The following TNPO1 variants were observed in gnomAD, a reference collection of about 807,000 sequenced individuals.
TNPO1 encodes transportin 1, also known as transportin-1.
In TNPO1, 8 loss-of-function variants were observed where a neutral mutation model predicts 119.5. That is an observed-to-expected ratio of 0.07 (90% CI 0.04 to 0.12). TNPO1 has a LOEUF of 0.12. Among genes scored for constraint, TNPO1 ranks in the 10% least tolerant of loss-of-function variants. The pLI is 1.00. For synonymous variants in TNPO1, 362 were observed against 363.0 expected (o/e 1.00, Z 0.03); for missense variants, 576 against 1,089.8 (o/e 0.53, Z 6.64).
In TNPO1 at chr5:72,911,560, T is replaced by A. The variant is rs920084916; in HGVS notation, c.*2887T>A. On this transcript the variant is annotated 3_prime_UTR_variant, in exon 25 of 25. Coordinates refer to ENST00000337273, the MANE Select transcript of TNPO1 (RefSeq NM_002270.4). Reference sequence around the variant, plus strand: ...TATTCTGATAAAATCTAATACATCATGGGATATATATAAAGCAACTTAATT... The same window carrying A: ...TATTCTGATAAAATCTAATACATCAAGGGATATATATAAAGCAACTTAATT... The A allele has an allele frequency of 6.6e-6, 1 of 152,568 alleles. No homozygotes were observed. The highest frequency in any genetic ancestry group is 1.5e-5 in the Non-Finnish European group (1 of 67,960). 9.5% of individuals were successfully genotyped at this position (152,568 alleles called of 1,614,324 possible).
chr5:72,851,260 A>G lies in TNPO1; in HGVS notation c.146A>G (p.Asn49Ser), dbSNP rs368727853. Residue 49 changes from asparagine (N) to serine (S), a missense_variant, in exon 3 of 25, where the codon AAT becomes AGT. By Grantham distance (46) the Asn-to-Ser change is conservative. This residue lies in a region of TNPO1 where 57 missense variants were observed against 59.5 expected (regional missense o/e 0.96). Transcript: ENST00000337273. The part of the protein sequence containing the change: ...RTVQQKLEQL[N>S]QYPDFNNYLI... ...TTGTTCTAGAAACTGGAACAACTTA[A>G]TCAGTATCCAGACTTTAACAACTAC... The G allele has an allele frequency of 1.3e-5, 21 of 1,598,836 alleles. No individual in the cohort carries two copies. The highest frequency in any genetic ancestry group is 2.6e-6 in the Non-Finnish European group (3 of 1,169,874).
intron 1 of TNPO1, among the ~76,000 whole-genome samples, chr5:72,838,120 C>G (rs1200030624): frequency 6.6e-6 from 1 of 152,134 alleles, no homozygotes; most frequent in Non-Finnish European, 1.5e-5. Context: ...TTCTATTTTG[C>G]TATCTAAACT....
chr5:72,827,264 G>T (rs1035229011), intron 1 of TNPO1, among the ~76,000 whole-genome samples: 1 of 152,312 alleles, frequency 6.6e-6, no homozygotes, highest in South Asian at 2.1e-4. Flanking sequence ...AGAGAGATGG[G>T]CAGGCACCCA....
At chr5:72,826,761 A>G (rs759802831) in intron 1 of TNPO1, among the ~76,000 whole-genome samples, 1 of 152,190 alleles carries the variant, frequency 6.6e-6, no homozygotes, top group Non-Finnish European at 1.5e-5. Flanking sequence ...TTCTACAGAT[A>G]CCTGTGTATT....
At chr5:72,863,643 C>G (rs1580416427) in intron 5 of TNPO1, among the ~76,000 whole-genome samples, 1 of 151,650 alleles carries the variant, frequency 6.6e-6, no homozygotes, top group East Asian at 1.9e-4. Flanking sequence ...TGCCTGTAAT[C>G]TCAGCTACTC....
intron 9 of TNPO1, among the ~76,000 whole-genome samples, chr5:72,877,889 C>T (rs1194591739): frequency 6.6e-6 from 1 of 151,764 alleles, no homozygotes; most frequent in African/African-American, 2.4e-5. Flanking sequence ...GTGAAAGTAC[C>T]GTATACTAAA....
chr5:72,859,038 T>G (rs111932853), intron 4 of TNPO1, among the ~76,000 whole-genome samples: 4 of 151,322 alleles, frequency 2.6e-5, no homozygotes, highest in African/African-American at 4.9e-5. Context: ...GAACATATTT[T>G]TAAGTGAAAT....
chr5:72,903,382 T>C (rs1749923793), intron 22 of TNPO1, among the ~76,000 whole-genome samples: 1 of 152,182 alleles, frequency 6.6e-6, no homozygotes, highest in Non-Finnish European at 1.5e-5. Flanking sequence ...ATCCGGTAAA[T>C]GAAAGAGTAT....
At chr5:72,842,199 C>T (rs62363374) in intron 1 of TNPO1, among the ~76,000 whole-genome samples, 1 of 152,078 alleles carries the variant, frequency 6.6e-6, no homozygotes, top group Non-Finnish European at 1.5e-5. Context: ...TACCTCACCA[C>T]AAAGGTATCA....
At position 72,908,886 on chromosome 5, in the gene TNPO1, T is replaced by G. The variant is rs1352013207; in HGVS notation, c.*213T>G. The G allele has an allele frequency of 6.6e-6, 3 of 453,872 alleles. No individual in the cohort carries two copies. 28.1% of individuals were successfully genotyped at this position (453,872 alleles called of 1,614,324 possible). On this transcript the variant is annotated 3_prime_UTR_variant, in exon 25 of 25. Coordinates refer to ENST00000337273, the MANE Select transcript of TNPO1 (RefSeq NM_002270.4). ...CGATGTTGGGAAACGTTTTAACATC[T>G]GGAGCCTTTGTGGGTGGAAATATGT...
intron 24 of TNPO1, among the ~76,000 whole-genome samples, chr5:72,908,394 A>AGG (rs1302425447): frequency 2.6e-5 from 4 of 152,294 alleles, no homozygotes; most frequent in African/African-American, 9.6e-5. Context: ...ATTTTGCAAA[A>AGG]GGGGATAAAG....
At chr5:72,883,004 A>G (rs1748359149) in intron 10 of TNPO1, 60 bp from the exon 11 acceptor site, 5 of 1,176,182 alleles carry the variant, frequency 4.3e-6, no homozygotes, top group Admixed American at 1.7e-5. Flanking sequence ...TCTCTTACTC[A>G]TGTACATACT....
chr5:72,899,600 T>C (rs1749674807), intron 20 of TNPO1, among the ~76,000 whole-genome samples: 1 of 152,186 alleles, frequency 6.6e-6, no homozygotes, highest in Non-Finnish European at 1.5e-5. Context: ...AAAAAAACTA[T>C]AGATTTTATT....
chr5:72,867,960 G>T lies in TNPO1; in HGVS notation c.596+2231G>T, dbSNP rs78277474. On this transcript the variant is annotated intron_variant, in intron 6 of 24. Coordinates refer to ENST00000337273, the MANE Select transcript of TNPO1 (RefSeq NM_002270.4). ...CTTTGCTATCATTAATGATGTTGAA[G>T]ATCTTGTATGTTTATTGCCTTTATC... is the stretch of plus-strand genomic sequence containing the variant. 6.0e-3 allele frequency among the ~76,000 whole-genome samples: 906 copies of T among 152,196 alleles called. 6 individuals are homozygous for T. Among genetic ancestry groups the T allele is most frequent in the African/African-American group, 0.021 (886 of 41,526 alleles).
At chr5:72,906,275 CTTTTTTTTTTTTTTTTTTT>C (rs869051297) in intron 24 of TNPO1, among the ~76,000 whole-genome samples, 46 of 54,704 alleles carry the variant, frequency 8.4e-4, no homozygotes, top group African/African-American at 2.0e-3. Flanking sequence ...TTTTTTTTTT[CTTTTTTTTTTTTTTTTTTT>C]TTTTTTTTTT....
intron 9 of TNPO1, among the ~76,000 whole-genome samples, chr5:72,878,349 C>T (rs1461458494): frequency 6.6e-6 from 1 of 151,340 alleles, no homozygotes; most frequent in South Asian, 2.1e-4. Context: ...CCAAATAGTT[C>T]TCTAGGAAAT....
chr5:72,901,197 T>C, intron 22 of TNPO1, 124 bp downstream of exon 22: 1 of 573,142 alleles, frequency 1.7e-6, no homozygotes, highest in African/African-American at 1.9e-5. Flanking sequence ...CAGTTAAACC[T>C]TTAAAATGTA....
chr5:72,875,787 A>T, intron 8 of TNPO1, 50 bp downstream of exon 8: 1 of 1,564,778 alleles, frequency 6.4e-7, no homozygotes, highest in Non-Finnish European at 8.7e-7. Context: ...CCTAAGAGAA[A>T]TACTAGATAG....
rs1357181467 is a variant in TNPO1, at chr5:72,893,254, T to C, written c.1896+8T>C. 1.2e-6 allele frequency: 2 copies of C among 1,611,850 alleles called. No homozygotes were observed. ...ACTCTTGCACAAGCCATGGTAATTT[T>C]TTTAAAATGTCTTCCTCTTCTTGAC... On this transcript the variant is annotated splice_region_variant and intron_variant, in intron 16 of 24. Coordinates refer to ENST00000337273, the MANE Select transcript of TNPO1 (RefSeq NM_002270.4).
Sources: gnomAD v4.1 joint callset for allele counts (sites outside exome capture counted in the v4.1 genomes callset) on GRCh38, gnomAD v4.1.1 for gene constraint, gnomAD v4.1.1 regional missense constraint, MANE v1.5 for transcripts, NCBI Gene and HGNC (gene_info 2026-07-23, HGNC 2026-07-21) for gene names.